Variants in SPRTN observed in about 807,000 individuals in gnomAD.
The protein encoded by SPRTN is DNA-dependent metalloprotease SPRTN.
SPRTN carries 11 observed loss-of-function variants against 31.9 expected under a neutral mutation model. That is an observed-to-expected ratio of 0.34 (90% CI 0.22 to 0.57). The LOEUF (loss-of-function observed/expected upper bound fraction) is 0.57. Ranked by LOEUF, SPRTN falls within the 20% of genes least tolerant of loss-of-function variation. The pLI is 0.86. For synonymous variants in SPRTN, 185 were observed against 212.1 expected (o/e 0.87, Z 1.11); for missense variants, 482 against 590.1 (o/e 0.82, Z 1.90).
In SPRTN at chr1:231,354,811, A is replaced by G; in HGVS notation, c.*1450A>G. 1 of 158,090 alleles carries G rather than the reference A, an allele frequency of 6.3e-6. No individual in the cohort carries two copies. The highest frequency in any genetic ancestry group is 1.9e-4 in the East Asian group (1 of 5,224). 9.8% of individuals were successfully genotyped at this position (158,090 alleles called of 1,614,324 possible). A position where few individuals can be genotyped will look rare whatever the true frequency, so the allele number is the denominator to read the frequency against. The stretch of plus-strand genomic sequence containing the variant: ...TATCTTTTCTGTTGGGTATATATAC[A>G]GGAATGGAATTGCTGAGTCACGGGG... On this transcript the variant is annotated 3_prime_UTR_variant, in exon 5 of 5. Transcript: ENST00000295050.
intron 2 of SPRTN, among the ~76,000 whole-genome samples, chr1:231,344,973 A>G (rs1231048080): frequency 2.6e-5 from 4 of 152,176 alleles, no homozygotes; most frequent in African/African-American, 7.2e-5. Context: ...TACTTGCTGT[A>G]GGAGCTGTTA....
intron 1 of SPRTN, 160 bp from the exon 2 acceptor site, chr1:231,339,609 A>G: frequency 2.4e-6 from 2 of 831,348 alleles, no homozygotes; most frequent in Non-Finnish European, 4.0e-6. Flanking sequence ...CGGGGGTTGT[A>G]ACTAATTAAT....
chr1:231,340,366 C>T (rs1350283750), intron 2 of SPRTN, among the ~76,000 whole-genome samples: 2 of 151,706 alleles, frequency 1.3e-5, no homozygotes, highest in African/African-American at 4.8e-5. Flanking sequence ...GACTCTGTCT[C>T]AAAAAAATAA....
intron 4 of SPRTN, chr1:231,352,058 G>A (rs1687255815): frequency 1.0e-6 from 1 of 989,732 alleles, no homozygotes; most frequent in Non-Finnish European, 1.2e-6. Context: ...TTCAAAGAAT[G>A]GGAAAAGGAT....
chr1:231,339,448 G>A, intron 1 of SPRTN: 3 of 558,670 alleles, frequency 5.4e-6, no homozygotes. Flanking sequence ...GGTCCGCATC[G>A]TATTCCACTA....
rs1558360002 is a variant in SPRTN, at chr1:231,338,499, TGGACCCCACACC to T, written c.121_132del (p.Pro41_Asp44del). The T allele has an allele frequency of 6.2e-7, 1 of 1,614,240 alleles. No individual in the cohort carries two copies. Among genetic ancestry groups the T allele is most frequent in the Admixed American group, 1.7e-5 (1 of 60,036 alleles). Reference sequence around the variant, plus strand: ...CTAGTGGACGCGTCGTGGGAGTTGGTGGACCCCACACCGGACTTGCAGGCACTGTTTGTTCAG... The same window carrying T: ...CTAGTGGACGCGTCGTGGGAGTTGGTGGACTTGCAGGCACTGTTTGTTCAG... On this transcript the variant is annotated inframe_deletion, in exon 1 of 5. Coordinates refer to ENST00000295050, the MANE Select transcript of SPRTN (RefSeq NM_032018.7).
Position 231,353,347 on chromosome 1 carries a change from G to C in SPRTN, c.1456G>C (p.Glu486Gln). Residue 486 changes from glutamate to glutamine, a missense_variant, in exon 5 of 5, where the codon GAA becomes CAA. By Grantham distance (29) the Glu-to-Gln change is conservative. Around this residue, in one of 2 missense-constraint regions of SPRTN, gnomAD observed 325 missense variants for 350.2 expected, o/e 0.93. Coordinates refer to ENST00000295050, the MANE Select transcript of SPRTN (RefSeq NM_032018.7). ...AGGTGACAGCATCAAAGTCAAAAGC[G>C]AAGAAAGTCTTTGAAAAAGGTTTCA... ...LEGDSIKVKS[E>Q]ESL 6.3e-7 allele frequency: 1 copy of C among 1,582,514 alleles called. No individual in the cohort carries two copies. Among genetic ancestry groups the C allele is most frequent in the Non-Finnish European group, 8.6e-7 (1 of 1,168,956 alleles).
intron 2 of SPRTN, among the ~76,000 whole-genome samples, chr1:231,341,331 AT>A (rs879424796): frequency 6.4e-3 from 920 of 144,642 alleles, no homozygotes; most frequent in African/African-American, 0.013. Context: ...AGTGTTTCAG[AT>A]TTTTTTTTTT....
rs1686749253 is a variant in SPRTN, at chr1:231,338,346, C to T, written c.-38C>T. 6.2e-7 allele frequency: 1 copy of T among 1,607,146 alleles called. No homozygotes were observed. Among genetic ancestry groups the T allele is most frequent in the Admixed American group, 1.7e-5 (1 of 59,884 alleles). On this transcript the variant is annotated 5_prime_UTR_variant, in exon 1 of 5. Transcript: ENST00000295050. ...GGTCGCGGCGTAACTGGGGAGCCAG[C>T]CTGACGCCGGCGGACCCCGCCTGTG... is the stretch of plus-strand genomic sequence containing the variant.
chr1:231,351,251 T>C, intron 3 of SPRTN, 53 bp from the exon 4 acceptor site: 1 of 1,382,886 alleles, frequency 7.2e-7, no homozygotes, highest in Non-Finnish European at 9.4e-7. Flanking sequence ...TAAATTGTTT[T>C]CTTGCAGTTG....
intron 3 of SPRTN, among the ~76,000 whole-genome samples, chr1:231,350,580 C>G (rs907734532): frequency 6.6e-6 from 1 of 152,088 alleles, no homozygotes; most frequent in African/African-American, 2.4e-5. Flanking sequence ...TTATTTGACT[C>G]AATGAATGAT....
rs1687111201 is a variant in SPRTN, at chr1:231,347,935, G to A, written c.450+10G>A. The A allele has an allele frequency of 1.2e-6, 2 of 1,602,848 alleles. No homozygotes were observed. Among genetic ancestry groups the A allele is most frequent in the African/African-American group, 1.3e-5 (1 of 74,132 alleles). ...TGGAGCCAATATAACGGTATAGAAA[G>A]CCATATCTATTTATGATGTTTAGTA... On this transcript the variant is annotated intron_variant, in intron 3 of 4. Coordinates refer to ENST00000295050, the MANE Select transcript of SPRTN (RefSeq NM_032018.7).
chr1:231,348,836 G>A (rs1687140688), intron 3 of SPRTN, among the ~76,000 whole-genome samples: 1 of 152,144 alleles, frequency 6.6e-6, no homozygotes, highest in South Asian at 2.1e-4. Context: ...TAGTACATCT[G>A]TATAAGGTGT....
intron 1 of SPRTN, 79 bp from the exon 2 acceptor site, chr1:231,339,690 G>T: frequency 1.4e-6 from 2 of 1,417,450 alleles, no homozygotes; most frequent in Non-Finnish European, 2.0e-6. Context: ...AACTGAGTTA[G>T]TGTGAACTGC....
intron 3 of SPRTN, among the ~76,000 whole-genome samples, chr1:231,348,817 C>T (rs1217313172): frequency 1.3e-5 from 2 of 151,888 alleles, no homozygotes; most frequent in African/African-American, 2.4e-5. Context: ...TAGGTCTTGC[C>T]CATCTTTATA....
chr1:231,342,484 G>A (rs1439817502), intron 2 of SPRTN, among the ~76,000 whole-genome samples: 1 of 151,366 alleles, frequency 6.6e-6, no homozygotes, highest in East Asian at 1.9e-4. Flanking sequence ...AGGCTGGAGT[G>A]CAATGATATG....
rs557036276 is a variant in SPRTN at position 231,353,592 on chromosome 1, G to C, written c.*231G>C. ...TTAGGTATACTGTAACCCAGGTTCT[G>C]CCTGTCGTGTATAAGTTTTAGATAC... On this transcript the variant is annotated 3_prime_UTR_variant, in exon 5 of 5. Transcript: ENST00000295050. 2 of 1,190,862 alleles carry C rather than the reference G, an allele frequency of 1.7e-6. No individual in the cohort carries two copies. The highest frequency in any genetic ancestry group is 2.1e-6 in the Non-Finnish European group (2 of 960,930). 73.8% of individuals were successfully genotyped at this position (1,190,862 alleles called of 1,614,324 possible). A position where few individuals can be genotyped will look rare whatever the true frequency, so the allele number is the denominator to read the frequency against.
chr1:231,338,696 G>A, intron 1 of SPRTN, 92 bp downstream of exon 1: 7 of 1,448,744 alleles, frequency 4.8e-6, no homozygotes, highest in South Asian at 1.2e-5. Flanking sequence ...CTAGTCCGAC[G>A]GTCCCAGGGG....
intron 3 of SPRTN, 34 bp from the exon 4 acceptor site, chr1:231,351,270 C>CTT: frequency 6.9e-7 from 1 of 1,448,344 alleles, no homozygotes; most frequent in Admixed American, 2.5e-5. Flanking sequence ...TGTTAACTTG[C>CTT]TTATTGAATA....
Sources: gnomAD v4.1 joint callset for allele counts (sites outside exome capture counted in the v4.1 genomes callset) on GRCh38, gnomAD v4.1.1 for gene constraint, gnomAD v4.1.1 regional missense constraint, MANE v1.5 for transcripts, NCBI Gene and HGNC (gene_info 2026-07-23, HGNC 2026-07-21) for gene names.